NCALD: variants seen among roughly 807,000 people sequenced by gnomAD.
NCALD encodes the protein neurocalcin-delta.
In NCALD, 10 loss-of-function variants were observed where a neutral mutation model predicts 18.6. That is an observed-to-expected ratio of 0.54 (90% CI 0.33 to 0.91). The LOEUF (loss-of-function observed/expected upper bound fraction) is 0.91, where lower values mean the gene tolerates loss of function less well. NCALD is among the 40% of genes least tolerant of loss of function. The probability of loss-of-function intolerance (pLI) is 0.03; values close to 1 mark genes in which losing one functional copy is unlikely to be tolerated. For missense variants in NCALD, 184 were observed against 247.6 expected, an observed-to-expected ratio of 0.74 and a Z score of 1.72; for synonymous variants, 88 against 87.4, an observed-to-expected ratio of 1.01 and a Z score of -0.04.
intron 4 of NCALD, among the ~76,000 whole-genome samples, chr8:101,854,218 C>A (rs1332203689): frequency 6.6e-6 from 1 of 152,150 alleles, no homozygotes; most frequent in African/African-American, 2.4e-5. Context: ...TGGGGTAGCT[C>A]TTATGGTCTG....
chr8:102,088,798 C>G (rs1342545394), intron 1 of NCALD, among the ~76,000 whole-genome samples: 2 of 152,212 alleles, frequency 1.3e-5, no homozygotes, highest in Admixed American at 1.3e-4. Context: ...ATAGATAGAT[C>G]TCTCTCAAAA....
intron 1 of NCALD, among the ~76,000 whole-genome samples, chr8:101,730,495 A>AG (rs1294529393): frequency 1.3e-5 from 2 of 151,440 alleles, no homozygotes; most frequent in Non-Finnish European, 2.9e-5. Flanking sequence ...AAAAAAAAAA[A>AG]AAAAAAAAAG....
intron 4 of NCALD, among the ~76,000 whole-genome samples, chr8:101,819,162 AACTGTAATTGTTACTG>A (rs1813616040): frequency 6.6e-6 from 1 of 152,122 alleles, no homozygotes; most frequent in Non-Finnish European, 1.5e-5. Flanking sequence ...CTTTTAAATG[AACTGTAATTGTTACTG>A]ACACTAACAA....
intron 1 of NCALD, among the ~76,000 whole-genome samples, chr8:101,781,195 T>C (rs201350224): frequency 1.5e-5 from 2 of 134,686 alleles, no homozygotes; most frequent in East Asian, 2.2e-4. Context: ...TATATATATA[T>C]ACCCTGAGAG....
chr8:101,977,881 C>T (rs1820479972), intron 2 of NCALD, among the ~76,000 whole-genome samples: 1 of 152,276 alleles, frequency 6.6e-6, no homozygotes. Context: ...GGCCCTGATA[C>T]TTAAGATGGT....
intron 4 of NCALD, among the ~76,000 whole-genome samples, chr8:101,864,591 TTC>T (rs1815683966): frequency 1.5e-5 from 2 of 137,338 alleles, no homozygotes; most frequent in African/African-American, 2.8e-5. Context: ...TTTCTTTCCT[TTC>T]TTTTTTTTTT....
At chr8:101,928,083 T>C (rs1165205102) in intron 2 of NCALD, among the ~76,000 whole-genome samples, 1 of 152,100 alleles carries the variant, frequency 6.6e-6, no homozygotes, top group Admixed American at 6.5e-5. Context: ...TGAAAAATGA[T>C]CCTGCAAAAA....
At chr8:101,763,015 C>T (rs1261216966) in intron 1 of NCALD, among the ~76,000 whole-genome samples, 1 of 152,224 alleles carries the variant, frequency 6.6e-6, no homozygotes, top group South Asian at 2.1e-4. Flanking sequence ...TAGCAAATTA[C>T]TTAATTCCTT....
intron 3 of NCALD, 132 bp downstream of exon 3, chr8:101,692,659 C>T: frequency 7.2e-7 from 1 of 1,390,898 alleles, no homozygotes; most frequent in Non-Finnish European, 9.5e-7. Context: ...CCTCTCCCCT[C>T]CTACCCACCC....
At chr8:101,816,450 A>G (rs1320086584) in intron 4 of NCALD, among the ~76,000 whole-genome samples, 2 of 152,112 alleles carry the variant, frequency 1.3e-5, no homozygotes, top group African/African-American at 4.8e-5. Flanking sequence ...AATAATTCAC[A>G]TCTTACTTTT....
chr8:102,107,237 T>TATATATAC (rs1554598801), intron 1 of NCALD, among the ~76,000 whole-genome samples: 10 of 106,082 alleles, frequency 9.4e-5, no homozygotes, highest in African/African-American at 2.9e-4. Flanking sequence ...TATATATATA[T>TATATATAC]ATACACATAG....
intron 1 of NCALD, among the ~76,000 whole-genome samples, chr8:101,784,419 C>G (rs1372576006): frequency 2.0e-5 from 3 of 152,146 alleles, no homozygotes; most frequent in Non-Finnish European, 4.4e-5. Context: ...CCACTGTACT[C>G]TATCAGTTGG....
At chr8:101,852,496 A>G (rs1815138631) in intron 4 of NCALD, 1 of 152,234 alleles carries the variant, frequency 6.6e-6, no homozygotes, top group African/African-American at 2.4e-5. Context: ...CTCCAGAACA[A>G]TGGAGGCCAG....
intron 2 of NCALD, among the ~76,000 whole-genome samples, chr8:101,932,649 T>C (rs963717996): frequency 6.6e-6 from 1 of 152,172 alleles, no homozygotes; most frequent in Non-Finnish European, 1.5e-5. Flanking sequence ...CAAGGTCTAA[T>C]CATTCTTCTC....
chr8:102,020,570 G>A (rs956935991), intron 1 of NCALD, among the ~76,000 whole-genome samples: 3 of 152,084 alleles, frequency 2.0e-5, no homozygotes, highest in African/African-American at 7.2e-5. Context: ...ATTTGCTATT[G>A]TCCGCTTATC....
upstream of NCALD, among the ~76,000 whole-genome samples, chr8:101,794,015 G>T (rs2131036185): frequency 6.6e-6 from 1 of 152,274 alleles, no homozygotes; most frequent in African/African-American, 2.4e-5. Flanking sequence ...CTACTGTTTA[G>T]AGCTACTGGG....
intron 4 of NCALD, among the ~76,000 whole-genome samples, chr8:101,806,739 T>G (rs766036766): frequency 6.6e-6 from 1 of 152,114 alleles, no homozygotes; most frequent in African/African-American, 2.4e-5. Context: ...AATATGTGTA[T>G]AAAACACATG....
chr8:101,882,706 CCT>C (rs1458998395), intron 4 of NCALD, among the ~76,000 whole-genome samples: 2 of 152,106 alleles, frequency 1.3e-5, no homozygotes, highest in Non-Finnish European at 2.9e-5. Context: ...TACATCAAAC[CCT>C]CTGACTTTTG....
chr8:101,994,997 G>A (rs953254342), intron 2 of NCALD, among the ~76,000 whole-genome samples: 1 of 152,196 alleles, frequency 6.6e-6, no homozygotes, highest in Non-Finnish European at 1.5e-5. Flanking sequence ...GTGCCTAATT[G>A]TGTAGAGCCT....
Sources: allele counts gnomAD v4.1 joint callset (sites outside exome capture counted in the v4.1 genomes callset), GRCh38; gene constraint gnomAD v4.1.1; transcripts MANE v1.5; gene names NCBI Gene and HGNC (gene_info 2026-07-23, HGNC 2026-07-21).